Variants in MEF2A observed in about 807,000 individuals in gnomAD.
MEF2A encodes the protein myocyte-specific enhancer factor 2A.
MEF2A carries 28 observed loss-of-function variants against 55.8 expected under a neutral mutation model. The observed-to-expected ratio is 0.50, with a 90% CI of 0.37 to 0.69. The LOEUF is 0.69. Ranked by LOEUF, MEF2A falls within the 30% of genes least tolerant of loss-of-function variation. MEF2A has a pLI of 0.00. For synonymous variants in MEF2A, 239 were observed against 227.1 expected (o/e 1.05, Z -0.47); for missense variants, 528 against 626.2 (o/e 0.84, Z 1.67).
At position 99,580,400 on chromosome 15, in the gene MEF2A, T is replaced by C. The variant is rs113659381; in HGVS notation, c.-225+14296T>C. ...CACTTGCACCACTGTGGCAAGTCTT[T>C]ACTTTGAGAGGGGTGAGGAAAACCC... is the stretch of plus-strand genomic sequence containing the variant. On this transcript the variant is annotated intron_variant, in intron 1 of 11. Transcript: ENST00000557942. Among the ~76,000 whole-genome samples the C allele has an allele frequency of 4.3e-3, 656 of 152,324 alleles. 6 individuals carry two copies. The highest frequency in any genetic ancestry group is 0.015 in the African/African-American group (629 of 41,572).
chr15:99,569,624 T>C (rs930649627), intron 1 of MEF2A, among the ~76,000 whole-genome samples: 8 of 152,232 alleles, frequency 5.3e-5, no homozygotes, highest in Non-Finnish European at 1.0e-4. Context: ...CAGTGAATTC[T>C]GTCTTTTAGG....
At chr15:99,684,805 T>C (rs148921103) in intron 7 of MEF2A, among the ~76,000 whole-genome samples, 30 of 152,342 alleles carry the variant, frequency 2.0e-4, no homozygotes, top group African/African-American at 6.5e-4. Context: ...TCCAGTGTTC[T>C]AGAATTTTTG....
intron 2 of MEF2A, chr15:99,620,848 T>C (rs2153262655): frequency 6.6e-6 from 1 of 151,676 alleles, no homozygotes; most frequent in African/African-American, 2.4e-5. Context: ...AACATCTTTT[T>C]TTTTTTTTTT....
At chr15:99,703,498 C>A in intron 9 of MEF2A, 113 bp downstream of exon 9, 2 of 992,068 alleles carry the variant, frequency 2.0e-6, no homozygotes, top group Admixed American at 2.9e-5. Flanking sequence ...TTTTTAAACA[C>A]TATTCAAACA....
intron 1 of MEF2A, among the ~76,000 whole-genome samples, chr15:99,592,488 T>G (rs1969649382): frequency 1.3e-5 from 2 of 152,194 alleles, no homozygotes; most frequent in South Asian, 4.1e-4. Flanking sequence ...CACACTGTGT[T>G]AGTCTGTTTG....
At chr15:99,689,982 G>T (rs1221929324) in intron 7 of MEF2A, among the ~76,000 whole-genome samples, 1 of 152,192 alleles carries the variant, frequency 6.6e-6, no homozygotes, top group Non-Finnish European at 1.5e-5. Flanking sequence ...AACATTTTGA[G>T]CACTGACGTG....
chr15:99,569,979 C>G (rs1961437174), intron 1 of MEF2A, among the ~76,000 whole-genome samples: 1 of 151,636 alleles, frequency 6.6e-6, no homozygotes, highest in South Asian at 2.1e-4. Flanking sequence ...TAGGTTGGTA[C>G]TTATTTAATA....
At chr15:99,666,526 A>C (rs183420616) in intron 4 of MEF2A, among the ~76,000 whole-genome samples, 56 of 151,456 alleles carry the variant, frequency 3.7e-4, no homozygotes, top group South Asian at 6.3e-4. Flanking sequence ...TGGCACATGT[A>C]TACCTGTGTA....
intron 3 of MEF2A, among the ~76,000 whole-genome samples, chr15:99,637,719 T>G (rs2153437400): frequency 6.6e-6 from 1 of 152,230 alleles, no homozygotes; most frequent in South Asian, 2.1e-4. Flanking sequence ...GTCGGCTCAC[T>G]GCAAGCTCCG....
intron 2 of MEF2A, among the ~76,000 whole-genome samples, chr15:99,613,018 C>T (rs187657895): frequency 6.6e-6 from 1 of 151,974 alleles, no homozygotes; most frequent in Non-Finnish European, 1.5e-5. Flanking sequence ...GTATAAATTG[C>T]AGTGCGTAGA....
intron 2 of MEF2A, among the ~76,000 whole-genome samples, chr15:99,614,337 C>T (rs991950692): frequency 1.3e-5 from 2 of 152,116 alleles, no homozygotes; most frequent in Non-Finnish European, 1.5e-5. Flanking sequence ...TGATCCCTCA[C>T]CTCACCGTCC....
Position 99,715,375 on chromosome 15 carries a change from C to G in MEF2A, c.*2604C>G, listed in dbSNP as rs914950294. On this transcript the variant is annotated 3_prime_UTR_variant, in exon 12 of 12. Coordinates refer to ENST00000557942, the MANE Select transcript of MEF2A (RefSeq NM_001319206.4). ...CTTTCTTTCTATGCAGGTTTATAAT[C>G]AGTACAACTACTGTTTTCTAAAATA... 1 of 152,196 alleles carries G rather than the reference C, an allele frequency of 6.6e-6. No individual in the cohort carries two copies. The highest frequency in any genetic ancestry group is 1.5e-5 in the Non-Finnish European group (1 of 68,022). 9.4% of individuals were successfully genotyped at this position (152,196 alleles called of 1,614,324 possible). A position where few individuals can be genotyped will look rare whatever the true frequency, so the allele number is the denominator to read the frequency against.
chr15:99,669,613 G>C (rs1490472881), intron 4 of MEF2A, among the ~76,000 whole-genome samples: 1 of 152,194 alleles, frequency 6.6e-6, no homozygotes, highest in Non-Finnish European at 1.5e-5. Context: ...TTTGCTATAT[G>C]CACATGCCAA....
At chr15:99,647,086 T>C (rs2046080531) in intron 4 of MEF2A, among the ~76,000 whole-genome samples, 2 of 152,180 alleles carry the variant, frequency 1.3e-5, no homozygotes, top group Non-Finnish European at 2.9e-5. Flanking sequence ...TGCAGTTATA[T>C]TTATGTCATT....
intron 1 of MEF2A, among the ~76,000 whole-genome samples, chr15:99,583,704 T>C (rs2152884887): frequency 6.6e-6 from 1 of 152,250 alleles, no homozygotes; most frequent in South Asian, 2.1e-4. Flanking sequence ...ATTGATAATA[T>C]GTATTAATAA....
Position 99,687,464 on chromosome 15 carries a change from A to G in MEF2A, c.671-2777A>G, listed in dbSNP as rs758962544. Reference sequence around the variant, plus strand: ...ATACTAGAATGAAAGGAGCAGAACAAATACAGCTACTTTTTCCTTCTGATG... The same window carrying G: ...ATACTAGAATGAAAGGAGCAGAACAGATACAGCTACTTTTTCCTTCTGATG... On this transcript the variant is annotated intron_variant, in intron 7 of 11. Transcript: ENST00000557942. 3.5e-4 allele frequency among the ~76,000 whole-genome samples: 53 copies of G among 152,198 alleles called. 1 individual carries two copies. Among genetic ancestry groups the G allele is most frequent in the Non-Finnish European group, 5.9e-5 (4 of 68,014 alleles).
rs28444186 is a variant in MEF2A at position 99,712,923 on chromosome 15, A to G, written c.*152A>G. On this transcript the variant is annotated 3_prime_UTR_variant, in exon 12 of 12. Transcript: ENST00000557942. This position sits in a 1 kb window ranked among gnomAD's most constrained non-coding sequence, Gnocchi z 4.1. Reference sequence around the variant, plus strand: ...TATATGTATGTGGGTGTGAGTGTGTATGTGTGGGTGTGTGTTACATACACA... The same window carrying G: ...TATATGTATGTGGGTGTGAGTGTGTGTGTGTGGGTGTGTGTTACATACACA... The G allele has an allele frequency of 2.8e-4, 172 of 615,462 alleles. No homozygotes were observed. Among genetic ancestry groups the G allele is most frequent in the Non-Finnish European group, 3.5e-4 (141 of 403,678 alleles). 38.1% of individuals were successfully genotyped at this position (615,462 alleles called of 1,614,324 possible). A position where few individuals can be genotyped will look rare whatever the true frequency, so the allele number is the denominator to read the frequency against.
intron 4 of MEF2A, among the ~76,000 whole-genome samples, chr15:99,670,991 C>T (rs779297682): frequency 4.6e-5 from 7 of 152,154 alleles, no homozygotes; most frequent in Non-Finnish European, 8.8e-5. Context: ...TTCTTTCATG[C>T]ATTGGTTATA....
intron 1 of MEF2A, among the ~76,000 whole-genome samples, chr15:99,571,924 C>T (rs768702000): frequency 1.8e-4 from 28 of 152,280 alleles, no homozygotes; most frequent in Middle Eastern, 6.8e-3. Context: ...TTCGTTGCCA[C>T]CTCTTTATTT....
Sources: gnomAD v4.1 joint callset for allele counts (sites outside exome capture counted in the v4.1 genomes callset) on GRCh38, gnomAD v4.1.1 for gene constraint, Gnocchi (gnomAD v3.1) non-coding constraint, MANE v1.5 for transcripts, NCBI Gene and HGNC (gene_info 2026-07-23, HGNC 2026-07-21) for gene names.